Variants in SUGCT observed in about 807,000 individuals in gnomAD.
The protein encoded by SUGCT is succinyl-CoA:glutarate CoA-transferase.
Under a neutral mutation model 55.0 loss-of-function variants are expected in SUGCT, and 41 were observed. The observed-to-expected ratio is 0.74, with a 90% confidence interval of 0.58 to 0.97. The LOEUF (loss-of-function observed/expected upper bound fraction) is 0.97. Ranked by LOEUF, SUGCT falls within the 50% of genes least tolerant of loss-of-function variation. The pLI is 0.00. For missense variants in SUGCT, 568 were observed against 547.8 expected (o/e 1.04, Z -0.37); for synonymous variants, 187 against 200.4 (o/e 0.93, Z 0.56).
intron 1 of SUGCT, among the ~76,000 whole-genome samples, chr7:40,160,851 A>G (rs180815398): frequency 1.3e-5 from 2 of 152,252 alleles, no homozygotes; most frequent in Non-Finnish European, 2.9e-5. Flanking sequence ...AAAACTCCAC[A>G]AACCCAGGAG....
At chr7:40,804,628 A>C (rs1394441683) in intron 13 of SUGCT, among the ~76,000 whole-genome samples, 1 of 152,170 alleles carries the variant, frequency 6.6e-6, no homozygotes, top group East Asian at 1.9e-4. Flanking sequence ...TAAAGATGGA[A>C]TATCTTAAGT....
intron 9 of SUGCT, among the ~76,000 whole-genome samples, chr7:40,325,839 AAAAC>A (rs1182437446): frequency 6.6e-6 from 1 of 152,020 alleles, no homozygotes; most frequent in Non-Finnish European, 1.5e-5. Context: ...CAACAAAACA[AAAAC>A]AAATTTCTTT....
chr7:40,921,032 G>C, the SUGCT span, among the ~76,000 whole-genome samples: 107 of 152,224 alleles, frequency 7.0e-4, no homozygotes, highest in African/African-American at 2.1e-3. Flanking sequence ...TTCTGGGTCA[G>C]GTACTGTTAG....
chr7:40,350,386 T>G (rs1797559366), intron 9 of SUGCT, among the ~76,000 whole-genome samples: 3 of 151,506 alleles, frequency 2.0e-5, no homozygotes. Context: ...CGATCTCAGT[T>G]CACTGCAGCC....
intron 2 of SUGCT, 33 bp downstream of exon 2, chr7:40,181,031 G>A (rs780693865): frequency 2.9e-5 from 43 of 1,507,172 alleles, no homozygotes; most frequent in East Asian, 2.0e-4. Flanking sequence ...TTTGGTGATT[G>A]GGTTTTTCCC....
chr7:40,926,667 TG>T, the SUGCT span, among the ~76,000 whole-genome samples: 3 of 152,156 alleles, frequency 2.0e-5, no homozygotes, highest in Admixed American at 6.6e-5. Context: ...TTTCCAGTTT[TG>T]TCTCTACCAT....
intron 12 of SUGCT, chr7:40,546,815 TCATCCTTTTTGCTCA>T (rs1383361515): frequency 1.3e-5 from 2 of 152,272 alleles, no homozygotes; most frequent in Non-Finnish European, 2.9e-5. Context: ...GGCCATCCAC[TCATCCTTTTTGCTCA>T]CTTTCTGCAG....
intron 12 of SUGCT, among the ~76,000 whole-genome samples, chr7:40,537,124 A>G (rs996969535): frequency 2.0e-5 from 3 of 152,178 alleles, no homozygotes; most frequent in Non-Finnish European, 4.4e-5. Flanking sequence ...TAATATCAAC[A>G]TGTCTCAATC....
chr7:40,403,398 A>G (rs980875158), intron 9 of SUGCT, among the ~76,000 whole-genome samples: 12 of 152,212 alleles, frequency 7.9e-5, no homozygotes, highest in South Asian at 2.1e-4. Context: ...TTAGGGTACA[A>G]TTTATCTCAC....
the SUGCT span, among the ~76,000 whole-genome samples, chr7:40,888,462 A>G: frequency 1.3e-5 from 2 of 151,872 alleles, no homozygotes; most frequent in African/African-American, 4.8e-5. Flanking sequence ...AAAAAAAAAA[A>G]GAAGAAAGGT....
chr7:40,932,499 G>T, the SUGCT span, among the ~76,000 whole-genome samples: 3 of 152,138 alleles, frequency 2.0e-5, no homozygotes, highest in Admixed American at 6.5e-5. Flanking sequence ...CTGTCTCATT[G>T]ATCCGTCTAA....
intron 9 of SUGCT, among the ~76,000 whole-genome samples, chr7:40,372,142 C>T (rs906154105): frequency 7.9e-5 from 12 of 151,434 alleles, no homozygotes; most frequent in Non-Finnish European, 1.6e-4. Flanking sequence ...ATTTTTTTGA[C>T]GCTCTTCCTG....
chr7:40,274,073 CTTTTTTTTT>C lies in SUGCT; in HGVS notation c.577-423_577-415del, dbSNP rs386409972. Among the ~76,000 whole-genome samples, 203 of 68,048 alleles carry C rather than the reference CTTTTTTTTT, an allele frequency of 3.0e-3. 1 individual carries two copies. The highest frequency in any genetic ancestry group is 7.6e-3 in the African/African-American group (129 of 17,076). The allele number at this position is 68,048 out of a possible 152,430, so 44.6% of individuals were successfully genotyped here. ...GAGGTTTGACCAGATTTTTTACCTTCTTTTTTTTTTTTTTTTTTTTTTTTTGTGAGAGAG... is the reference window on the plus strand; with the variant it reads ...GAGGTTTGACCAGATTTTTTACCTTCTTTTTTTTTTTTTTTTGTGAGAGAG... On this transcript the variant is annotated intron_variant, in intron 7 of 13. Transcript: ENST00000335693.
chr7:40,496,338 C>A lies in SUGCT; in HGVS notation c.1041C>A (p.Val347=). 1 of 1,613,218 alleles carries A rather than the reference C, an allele frequency of 6.2e-7. No individual in the cohort carries two copies. Among genetic ancestry groups the A allele is most frequent in the Non-Finnish European group, 8.5e-7 (1 of 1,179,482 alleles). ...TATATCTTTTTGAAGGCAGTGGAGT[C>A]CCGTATGGCCCAATCAACAACATGA... is the stretch of plus-strand genomic sequence containing the variant. ...KWLYLFEGSG[V]PYGPINNMKN... is the part of the protein sequence containing the mutation. Residue 347 remains valine (V), a synonymous_variant, in exon 12 of 14, where the codon GTC becomes GTA. Coordinates refer to ENST00000335693, the MANE Select transcript of SUGCT (RefSeq NM_001193313.2).
chr7:41,019,740 T>G, the SUGCT span, among the ~76,000 whole-genome samples: 1 of 152,244 alleles, frequency 6.6e-6, no homozygotes, highest in Admixed American at 6.5e-5. Context: ...ATACAGCTTC[T>G]GCCTGATGGG....
intron 6 of SUGCT, among the ~76,000 whole-genome samples, chr7:40,200,550 A>G (rs1402962491): frequency 6.6e-6 from 1 of 152,128 alleles, no homozygotes; most frequent in African/African-American, 2.4e-5. Flanking sequence ...GCTCCGTGGT[A>G]GGAAAGATCT....
intron 12 of SUGCT, among the ~76,000 whole-genome samples, chr7:40,700,253 C>T (rs992081254): frequency 5.3e-5 from 8 of 152,136 alleles, no homozygotes; most frequent in African/African-American, 1.7e-4. Context: ...ACTGAGTGGG[C>T]CTGCCTTTAC....
chr7:40,497,100 A>G (rs1356706829), intron 12 of SUGCT, among the ~76,000 whole-genome samples: 1 of 152,210 alleles, frequency 6.6e-6, no homozygotes, highest in African/African-American at 2.4e-5. Flanking sequence ...CCATTTCTCA[A>G]ATTCATCCAT....
the SUGCT span, among the ~76,000 whole-genome samples, chr7:40,887,511 G>T: frequency 6.6e-6 from 1 of 152,180 alleles, no homozygotes; most frequent in Non-Finnish European, 1.5e-5. Flanking sequence ...CAGAGAGGTT[G>T]GAGTCAAGAA....
Sources: allele counts gnomAD v4.1 joint callset (sites outside exome capture counted in the v4.1 genomes callset), GRCh38; gene constraint gnomAD v4.1.1; transcripts MANE v1.5; gene names NCBI Gene and HGNC (gene_info 2026-07-23, HGNC 2026-07-21).